Variants in PKHD1 observed in about 807,000 individuals in gnomAD.
The protein encoded by PKHD1 is PKHD1 ciliary IPT domain containing fibrocystin/polyductin.
PKHD1 carries 291 observed loss-of-function variants against 412.0 expected under a neutral mutation model. The ratio of observed to expected loss-of-function variants is 0.71; its 90% CI spans 0.64 to 0.78. The LOEUF (loss-of-function observed/expected upper bound fraction) is 0.78, where lower values mean the gene tolerates loss of function less well. Ranked by LOEUF, PKHD1 falls within the 30% of genes least tolerant of loss-of-function variation. The probability of loss-of-function intolerance (pLI) is 0.00; values close to 1 mark genes in which losing one functional copy is unlikely to be tolerated. For missense variants in PKHD1, 4,825 were observed against 4,950.7 expected, an observed-to-expected ratio of 0.97 and a Z score of 0.76; for synonymous variants, 1,777 against 1,821.5, an observed-to-expected ratio of 0.98 and a Z score of 0.62.
At chr6:51,811,225 T>C (rs991678700) in intron 52 of PKHD1, among the ~76,000 whole-genome samples, 6 of 152,198 alleles carry the variant, frequency 3.9e-5, no homozygotes, top group African/African-American at 9.6e-5. Flanking sequence ...TGATCTCAGC[T>C]ATAGGTAGGC....
rs1402872252 is a variant in PKHD1, at chr6:52,083,167, C to G, written c.130+11G>C. On this transcript the variant is annotated intron_variant, in intron 3 of 66. Coordinates refer to ENST00000371117, the MANE Select transcript of PKHD1 (RefSeq NM_138694.4). ...CATAAGAAATGTGCACTTGGTAAAA[C>G]CCCAACCTACCATCAAAAATGACTG... 6.4e-7 allele frequency: 1 copy of G among 1,572,502 alleles called. No individual in the cohort carries two copies. The highest frequency in any genetic ancestry group is 8.8e-7 in the Non-Finnish European group (1 of 1,142,326).
intron 35 of PKHD1, among the ~76,000 whole-genome samples, chr6:51,967,719 AC>A (rs1793036189): frequency 6.6e-6 from 1 of 152,138 alleles, no homozygotes; most frequent in Non-Finnish European, 1.5e-5. Context: ...GAATACACAC[AC>A]ACACACACAC....
At chr6:51,885,725 A>G in intron 45 of PKHD1, 142 bp downstream of exon 45, 1 of 703,586 alleles carries the variant, frequency 1.4e-6, no homozygotes, top group South Asian at 1.6e-5. Context: ...GTGCTTTAAA[A>G]TTGTGACAGC....
chr6:51,884,713 T>A (rs899355101), intron 45 of PKHD1, among the ~76,000 whole-genome samples: 9 of 152,304 alleles, frequency 5.9e-5, no homozygotes, highest in Admixed American at 5.2e-4. Context: ...TTTATTAGCA[T>A]CTTTTAATAT....
intron 60 of PKHD1, among the ~76,000 whole-genome samples, chr6:51,669,100 G>C (rs1393658995): frequency 6.6e-6 from 1 of 152,084 alleles, no homozygotes; most frequent in Non-Finnish European, 1.5e-5. Flanking sequence ...TCTATTGATT[G>C]GAATAGTTTC....
intron 53 of PKHD1, among the ~76,000 whole-genome samples, chr6:51,784,755 A>T (rs140442210): frequency 3.9e-5 from 6 of 152,262 alleles, no homozygotes; most frequent in South Asian, 4.1e-4. Flanking sequence ...TTTCTGCCTC[A>T]CGACTACCAC....
intron 61 of PKHD1, among the ~76,000 whole-genome samples, chr6:51,657,801 T>C (rs1055349652): frequency 6.6e-6 from 1 of 152,144 alleles, no homozygotes; most frequent in Non-Finnish European, 1.5e-5. Context: ...GACTTTTCTC[T>C]GTTTCTAGTT....
chr6:51,697,497 T>C (rs1377186913), intron 60 of PKHD1, among the ~76,000 whole-genome samples: 1 of 152,218 alleles, frequency 6.6e-6, no homozygotes, highest in Admixed American at 6.5e-5. Flanking sequence ...TTTTGAGATA[T>C]TGAAGTGGAA....
intron 60 of PKHD1, among the ~76,000 whole-genome samples, chr6:51,671,086 T>C (rs185788788): frequency 1.3e-5 from 2 of 152,170 alleles, no homozygotes; most frequent in Non-Finnish European, 2.9e-5. Context: ...TGAATCTGAA[T>C]GTTGGCCTGC....
At chr6:51,709,820 T>C (rs1230575006) in intron 60 of PKHD1, among the ~76,000 whole-genome samples, 2 of 151,746 alleles carry the variant, frequency 1.3e-5, no homozygotes, top group East Asian at 3.9e-4. Flanking sequence ...TAAGTTTTTT[T>C]GTGTGTACCT....
chr6:51,723,680 T>G (rs949902504), intron 60 of PKHD1, among the ~76,000 whole-genome samples: 2 of 152,046 alleles, frequency 1.3e-5, no homozygotes, highest in South Asian at 2.1e-4. Context: ...TTACCAAGAG[T>G]GATTTAAGAT....
chr6:51,900,309 G>T (rs574431988), intron 43 of PKHD1, among the ~76,000 whole-genome samples: 21 of 152,244 alleles, frequency 1.4e-4, no homozygotes, highest in Admixed American at 7.2e-4. Context: ...CATGGTACTG[G>T]TACCAAAACA....
intron 47 of PKHD1, among the ~76,000 whole-genome samples, chr6:51,869,291 T>C (rs919155306): frequency 6.6e-6 from 1 of 152,166 alleles, no homozygotes; most frequent in Non-Finnish European, 1.5e-5. Flanking sequence ...ATATACCTTC[T>C]TGCAAACTTC....
intron 47 of PKHD1, among the ~76,000 whole-genome samples, chr6:51,868,686 T>C (rs1018524920): frequency 6.6e-6 from 1 of 152,142 alleles, no homozygotes; most frequent in African/African-American, 2.4e-5. Context: ...TTCATTCCTC[T>C]GTGGTGAGTC....
At chr6:51,891,373 G>A (rs962234238) in intron 43 of PKHD1, among the ~76,000 whole-genome samples, 16 of 151,968 alleles carry the variant, frequency 1.1e-4, no homozygotes, top group African/African-American at 3.9e-4. Context: ...TCCACCTCCC[G>A]GATTCAAGCG....
At chr6:51,821,508 G>A (rs1766422132) in intron 52 of PKHD1, among the ~76,000 whole-genome samples, 1 of 152,276 alleles carries the variant, frequency 6.6e-6, no homozygotes, top group African/African-American at 2.4e-5. Flanking sequence ...AGAACTGAAA[G>A]GAATTAACCA....
rs779069598 is a variant in PKHD1 at position 51,619,495 on chromosome 6, G to C, written c.11811C>G (p.Gly3937=). The part of the protein sequence containing the change: ...GEDMRMKVML[G]KVNQCPHQLM... ...ACTGGTGGGGGCACTGGTTCACCTT[G>C]CCCAGCATGACCTTCATTCTCATAT... Residue 3937 remains glycine, a synonymous_variant, in exon 67 of 67, where the codon GGC becomes GGG. Coordinates refer to ENST00000371117, the MANE Select transcript of PKHD1 (RefSeq NM_138694.4). 1.2e-5 allele frequency: 19 copies of C among 1,613,930 alleles called. No individual in the cohort carries two copies. Among genetic ancestry groups the C allele is most frequent in the Middle Eastern group, 1.6e-4 (1 of 6,082 alleles).
At chr6:51,682,006 GA>G (rs1562092281) in intron 60 of PKHD1, among the ~76,000 whole-genome samples, 1 of 152,066 alleles carries the variant, frequency 6.6e-6, no homozygotes, top group Non-Finnish European at 1.5e-5. Context: ...CTTTCAGCTT[GA>G]GTTCCTGCCA....
chr6:51,618,785 C>T lies in PKHD1; in HGVS notation c.*296G>A, dbSNP rs539505692. On this transcript the variant is annotated 3_prime_UTR_variant, in exon 67 of 67. Transcript: ENST00000371117. ...CCTGCTGGTATAAGTCAGTATTACA[C>T]CATTATCAAGTTGTTAAAATCAGGC... 6.5e-5 allele frequency: 28 copies of T among 432,878 alleles called. 1 individual carries two copies. The highest frequency in any genetic ancestry group is 5.6e-4 in the South Asian group (27 of 47,952). 26.8% of individuals were successfully genotyped at this position (432,878 alleles called of 1,614,324 possible).
Sources: gnomAD v4.1 joint callset for allele counts (sites outside exome capture counted in the v4.1 genomes callset) on GRCh38, gnomAD v4.1.1 for gene constraint, MANE v1.5 for transcripts, NCBI Gene and HGNC (gene_info 2026-07-23, HGNC 2026-07-21) for gene names.